Variants in PLEKHH2 observed in about 807,000 individuals in gnomAD.
PLEKHH2 encodes the protein pleckstrin homology, MyTH4 and FERM domain containing H2.
A neutral mutation model predicts 187.9 loss-of-function variants in PLEKHH2; 129 were observed. The ratio of observed to expected loss-of-function variants is 0.69; its 90% CI spans 0.59 to 0.79. The LOEUF is 0.79. Among genes scored for constraint, PLEKHH2 ranks in the 30% least tolerant of loss-of-function variants. The probability of loss-of-function intolerance (pLI) is 0.00; values close to 1 mark genes in which losing one functional copy is unlikely to be tolerated. For missense variants in PLEKHH2, 2,076 were observed against 1,751.2 expected, an observed-to-expected ratio of 1.19 and a Z score of -3.31; for synonymous variants, 686 against 605.6, an observed-to-expected ratio of 1.13 and a Z score of -1.95.
chr2:43,640,813 C>T (rs1459803330), intron 1 of PLEKHH2, among the ~76,000 whole-genome samples: 1 of 151,262 alleles, frequency 6.6e-6, no homozygotes, highest in East Asian at 2.0e-4. Context: ...AGATCGGGGT[C>T]TCCCTCTGTC....
rs779254905 is a variant in PLEKHH2 at position 43,740,976 on chromosome 2, C to T, written c.3154C>T (p.Leu1052Phe). Residue 1052 changes from leucine (L) to phenylalanine (F), a missense_variant, in exon 21 of 30, where the codon CTC becomes TTC. By Grantham distance (22) the Leu-to-Phe change is conservative. Transcript: ENST00000282406. ...GWQLLALCVGLFLPHHPFLWL... is the reference protein window; with the variant it reads ...GWQLLALCVGFFLPHHPFLWL... ...GCAGCTCTTGGCACTCTGCGTTGGG[C>T]TCTTCCTTCCCCATCATCCTTTCCT... 6.2e-7 allele frequency: 1 copy of T among 1,614,084 alleles called. No homozygotes were observed. The highest frequency in any genetic ancestry group is 8.5e-7 in the Non-Finnish European group (1 of 1,179,964).
At chr2:43,715,144 C>T (rs541877698) in intron 15 of PLEKHH2, among the ~76,000 whole-genome samples, 14 of 152,108 alleles carry the variant, frequency 9.2e-5, no homozygotes, top group African/African-American at 3.1e-4. Context: ...GGCATGCTGG[C>T]GGGCACCTGT....
Position 43,720,589 on chromosome 2 carries a change from C to G in PLEKHH2, c.2461-80C>G, listed in dbSNP as rs926229490. 140 of 1,565,520 alleles carry G rather than the reference C, an allele frequency of 8.9e-5. No individual in the cohort carries two copies. The Middle Eastern group carries it at 1.0e-3, about 11-fold the overall frequency. On this transcript the variant is annotated intron_variant, in intron 15 of 29. Transcript: ENST00000282406. ...TGGGCAAACTGGATGCCTATAGAAA[C>G]TCAAATAGGGTGTATAAGCTATAAT...
intron 2 of PLEKHH2, 61 bp downstream of exon 2, chr2:43,644,857 T>A: frequency 6.9e-7 from 1 of 1,459,800 alleles, no homozygotes; most frequent in Middle Eastern, 1.8e-4. Flanking sequence ...GCTTCATTTA[T>A]ATTAAATAAT....
At chr2:43,668,016 A>G (rs1272807811) in intron 2 of PLEKHH2, among the ~76,000 whole-genome samples, 1 of 152,130 alleles carries the variant, frequency 6.6e-6, no homozygotes, top group South Asian at 2.1e-4. Flanking sequence ...CAACACTACT[A>G]TTAGCATTCT....
chr2:43,692,728 A>G (rs928288323), intron 4 of PLEKHH2, 65 bp downstream of exon 4: 1 of 1,497,008 alleles, frequency 6.7e-7, no homozygotes, highest in East Asian at 2.3e-5. Context: ...CACAAAGATT[A>G]AAAAGAGAGA....
At chr2:43,757,763 TA>T (rs11294860) in intron 26 of PLEKHH2, among the ~76,000 whole-genome samples, 48,041 of 150,076 alleles carry the variant, frequency 0.32, 8,004 homozygotes, top group South Asian at 0.44. Context: ...AATCTATATT[TA>T]AACTTTCTTT....
rs577348127 is a variant in PLEKHH2 at position 43,677,833 on chromosome 2, C to G, written c.124-1030C>G. Among the ~76,000 whole-genome samples the G allele has an allele frequency of 4.9e-5, 7 of 143,642 alleles. No individual in the cohort carries two copies. In the South Asian group the frequency reaches 1.5e-3, roughly 32 times the overall value. The allele number at this position is 143,642 out of a possible 152,430, so 94.2% of individuals were successfully genotyped here. A position where few individuals can be genotyped will look rare whatever the true frequency, so the allele number is the denominator to read the frequency against. Reference sequence around the variant, plus strand: ...GCAGCTGGCTGGGCGGGGGGCTGACCCCCCCCCACCTCCCTCCCGGACGGG... The same window carrying G: ...GCAGCTGGCTGGGCGGGGGGCTGACGCCCCCCCACCTCCCTCCCGGACGGG... On this transcript the variant is annotated intron_variant, in intron 2 of 29. Transcript: ENST00000282406.
chr2:43,691,781 C>T (rs568596537), intron 3 of PLEKHH2, among the ~76,000 whole-genome samples: 1 of 152,252 alleles, frequency 6.6e-6, no homozygotes, highest in South Asian at 2.1e-4. Flanking sequence ...CCTCGGCCTC[C>T]CAAAGTGCTG....
Position 43,726,488 on chromosome 2 carries a change from A to G in PLEKHH2, c.2721+37A>G, listed in dbSNP as rs377353452. The G allele has an allele frequency of 3.3e-6, 5 of 1,498,032 alleles. No individual in the cohort carries two copies. In the African/African-American group the frequency reaches 7.0e-5, roughly 21 times the overall value. 92.8% of individuals were successfully genotyped at this position (1,498,032 alleles called of 1,614,324 possible). On this transcript the variant is annotated intron_variant, in intron 17 of 29. Coordinates refer to ENST00000282406, the MANE Select transcript of PLEKHH2 (RefSeq NM_172069.4). ...CTTATTGGTTGATTTAGAATGATGT[A>G]GACTAATATTATTCAGATATTGGTA...
intron 3 of PLEKHH2, among the ~76,000 whole-genome samples, chr2:43,692,055 T>C (rs1284452492): frequency 6.6e-6 from 1 of 152,218 alleles, no homozygotes; most frequent in African/African-American, 2.4e-5. Flanking sequence ...CCCACCCCCC[T>C]TTCCATTGTG....
chr2:43,678,767 G>A lies in PLEKHH2; in HGVS notation c.124-96G>A, dbSNP rs369364216. 59 of 885,260 alleles carry A rather than the reference G, an allele frequency of 6.7e-5. No homozygotes were observed. The East Asian group carries it at 8.8e-4, about 13-fold the overall frequency. The allele number at this position is 885,260 out of a possible 1,614,324, so 54.8% of individuals were successfully genotyped here. A position where few individuals can be genotyped will look rare whatever the true frequency, so the allele number is the denominator to read the frequency against. The stretch of plus-strand genomic sequence containing the variant: ...AGGTGGAGGTGGAGGTGGAGGTGGA[G>A]GTGGAGGTAGAATTATGAGATTTTT... On this transcript the variant is annotated intron_variant, in intron 2 of 29. Transcript: ENST00000282406.
chr2:43,756,439 C>A (rs1672214116), intron 25 of PLEKHH2, among the ~76,000 whole-genome samples: 1 of 151,982 alleles, frequency 6.6e-6, no homozygotes, highest in African/African-American at 2.4e-5. Context: ...ATTACAGGTG[C>A]CTGCCACCAC....
chr2:43,746,502 A>G (rs1671783078), intron 24 of PLEKHH2, among the ~76,000 whole-genome samples: 2 of 151,534 alleles, frequency 1.3e-5, no homozygotes, highest in Non-Finnish European at 2.9e-5. Flanking sequence ...TGGGCAACAG[A>G]GTGAAACCCT....
At chr2:43,747,241 G>A (rs925585403) in intron 24 of PLEKHH2, among the ~76,000 whole-genome samples, 16 of 151,830 alleles carry the variant, frequency 1.1e-4, no homozygotes, top group African/African-American at 3.4e-4. Context: ...GGAATCTACG[G>A]GTTAGTGAGG....
chr2:43,695,234 CT>C lies in PLEKHH2; in HGVS notation c.502+13del. 2 of 1,514,650 alleles carry C rather than the reference CT, an allele frequency of 1.3e-6. No individual in the cohort carries two copies. The highest frequency in any genetic ancestry group is 1.8e-6 in the Non-Finnish European group (2 of 1,106,608). The allele number at this position is 1,514,650 out of a possible 1,614,324, so 93.8% of individuals were successfully genotyped here. A position where few individuals can be genotyped will look rare whatever the true frequency, so the allele number is the denominator to read the frequency against. ...CAGTCAAAACTACAAGGTACAAATA[CT>C]TTACTAAGATAGCTTAGTTGGATTT... On this transcript the variant is annotated intron_variant, in intron 6 of 29. Transcript: ENST00000282406.
chr2:43,667,052 C>A (rs1374068934), intron 2 of PLEKHH2, among the ~76,000 whole-genome samples: 1 of 152,028 alleles, frequency 6.6e-6, no homozygotes, highest in African/African-American at 2.4e-5. Context: ...TTTTTTGGTT[C>A]ATGCTTTTAG....
rs577370331 is a variant in PLEKHH2 at position 43,717,491 on chromosome 2, G to A, written c.2461-3178G>A. On this transcript the variant is annotated intron_variant, in intron 15 of 29. Coordinates refer to ENST00000282406, the MANE Select transcript of PLEKHH2 (RefSeq NM_172069.4). ...GGTAAGTGAGAGGGGGAGGGAAGTG[G>A]GAGGAATTGGGAGGAAGTTGTGATC... 2.6e-5 allele frequency among the ~76,000 whole-genome samples: 4 copies of A among 152,260 alleles called. No individual in the cohort carries two copies. In the South Asian group the frequency reaches 8.3e-4, roughly 32 times the overall value.
chr2:43,700,212 G>A lies in PLEKHH2; in HGVS notation c.1254G>A (p.Lys418=), dbSNP rs144541637. ...SPILTPALMP[K]HPNSLSGKGT... is the part of the protein sequence containing the mutation. ...TTTTGACCCCAGCTTTAATGCCAAA[G>A]CATCCTAACTCACTCTCTGGAAAAG... Residue 418 remains lysine, a synonymous_variant, in exon 8 of 30, where the codon AAG becomes AAA. Coordinates refer to ENST00000282406, the MANE Select transcript of PLEKHH2 (RefSeq NM_172069.4). 3.1e-6 allele frequency: 5 copies of A among 1,614,012 alleles called. No individual in the cohort carries two copies. Among genetic ancestry groups the A allele is most frequent in the Non-Finnish European group, 4.2e-6 (5 of 1,180,036 alleles).
Sources: allele counts gnomAD v4.1 joint callset (sites outside exome capture counted in the v4.1 genomes callset), GRCh38; gene constraint gnomAD v4.1.1; transcripts MANE v1.5; gene names NCBI Gene and HGNC (gene_info 2026-07-23, HGNC 2026-07-21).